Variants in HERC2 observed in about 807,000 individuals in gnomAD.
The protein encoded by HERC2 is HECT and RLD domain containing E3 ubiquitin protein ligase 2, also known as E3 ubiquitin-protein ligase HERC2.
A neutral mutation model predicts 537.7 loss-of-function variants in HERC2; 102 were observed. That is an observed-to-expected ratio of 0.19 (90% CI 0.16 to 0.22). The LOEUF (loss-of-function observed/expected upper bound fraction) is 0.22. Ranked by LOEUF, HERC2 falls within the 10% of genes least tolerant of loss-of-function variation. The pLI, the probability that HERC2 is intolerant of heterozygous loss-of-function variation, is 1.00. For synonymous variants in HERC2, 2,224 were observed against 2,466.2 expected (o/e 0.90, Z 2.91); for missense variants, 4,236 against 6,198.2 (o/e 0.68, Z 10.63).
chr15:28,224,156 CACACACACACAG>C (rs1230663978), intron 35 of HERC2, among the ~76,000 whole-genome samples: 1 of 149,356 alleles, frequency 6.7e-6, no homozygotes, highest in Admixed American at 6.7e-5. Context: ...CACCCACACA[CACACACACACAG>C]AGAGAGAGAG....
At chr15:28,124,979 C>T (rs1276604890) in intron 84 of HERC2, 27 bp downstream of exon 84, 6 of 1,574,828 alleles carry the variant, frequency 3.8e-6, no homozygotes, top group South Asian at 1.1e-5. Context: ...TGCTTGCCCC[C>T]GACCCACCCA....
Position 28,177,612 on chromosome 15 carries a change from A to T in HERC2, c.9164-103T>A. ...CCTGGCATATAGCACACACTCAATG[A>T]GCGTGAGCTGAATAAATGAGTAACT... is the stretch of plus-strand genomic sequence containing the variant. On this transcript the variant is annotated intron_variant, in intron 59 of 92. Transcript: ENST00000261609. The surrounding 1 kb of genome is among the most constrained non-coding windows in gnomAD (Gnocchi z 5.0). 1.1e-6 allele frequency: 1 copy of T among 937,038 alleles called. No homozygotes were observed. The highest frequency in any genetic ancestry group is 1.7e-6 in the Non-Finnish European group (1 of 579,550). The allele number at this position is 937,038 out of a possible 1,614,324, so 58.0% of individuals were successfully genotyped here.
intron 20 of HERC2, among the ~76,000 whole-genome samples, 165 bp from the exon 21 acceptor site, chr15:28,248,901 G>A (rs1311352829): frequency 2.0e-5 from 3 of 152,138 alleles, no homozygotes; most frequent in Non-Finnish European, 2.9e-5. Context: ...TGCAACAAGC[G>A]CAACCTCAGC....
chr15:28,125,128 G>T lies in HERC2; in HGVS notation c.12868C>A (p.Gln4290Lys). The part of the protein sequence containing the change: ...QLGDGTTNAI[Q>K]RPRLVAALQG... ...AGGGCAGCTACCAACCGAGGCCTCT[G>T]GATGGCATTGGTGGTTCCGTCTCCC... The change falls in exon 84 of 93, where the codon CAG (glutamine) becomes AAG (lysine). Residue 4290 changes from glutamine to lysine, a missense_variant. Transcript: ENST00000261609. 1 of 1,614,136 alleles carries T rather than the reference G, an allele frequency of 6.2e-7. No individual in the cohort carries two copies. Among genetic ancestry groups the T allele is most frequent in the Non-Finnish European group, 8.5e-7 (1 of 1,179,950 alleles).
At chr15:28,235,610 T>C (rs1596299160) in intron 26 of HERC2, among the ~76,000 whole-genome samples, 1 of 152,206 alleles carries the variant, frequency 6.6e-6, no homozygotes, top group South Asian at 2.1e-4. Context: ...TTGACACTCC[T>C]GTGTTTTCTG....
Position 28,244,243 on chromosome 15 carries a change from T to C in HERC2, c.3577+1638A>G, listed in dbSNP as rs189570551. 3.9e-4 allele frequency among the ~76,000 whole-genome samples: 60 copies of C among 152,188 alleles called. No individual in the cohort carries two copies. In the East Asian group the frequency reaches 8.5e-3, roughly 22 times the overall value. Reference sequence around the variant, plus strand: ...TCCATCAACAAGTAGAATGAATAGGTTGTTGTATATTCAAACAAAAGTATA... The same window carrying C: ...TCCATCAACAAGTAGAATGAATAGGCTGTTGTATATTCAAACAAAAGTATA... On this transcript the variant is annotated intron_variant, in intron 23 of 92. Coordinates refer to ENST00000261609, the MANE Select transcript of HERC2 (RefSeq NM_004667.6).
At chr15:28,240,741 T>C (rs1348813520) in intron 23 of HERC2, among the ~76,000 whole-genome samples, 1 of 152,134 alleles carries the variant, frequency 6.6e-6, no homozygotes, top group Admixed American at 6.5e-5. Context: ...AAACAATCCA[T>C]CACGTATTTG....
chr15:28,201,580 A>C, intron 47 of HERC2, 26 bp from the exon 48 acceptor site: 1 of 1,415,434 alleles, frequency 7.1e-7, no homozygotes, highest in Non-Finnish European at 1.0e-6. Context: ...ACATTCAAAC[A>C]AAAAAACAGG....
chr15:28,177,498 C>G lies in HERC2; in HGVS notation c.9175G>C (p.Ala3059Pro). The change falls in exon 60 of 93, where the codon GCG becomes CCG. Residue 3059 changes from alanine to proline, a missense_variant. Coordinates refer to ENST00000261609, the MANE Select transcript of HERC2 (RefSeq NM_004667.6). This position sits in a 1 kb window ranked among gnomAD's most constrained non-coding sequence, Gnocchi z 5.0. ...KVAVHSGGRHATALTVDGKVF... is the reference protein window; with the variant it reads ...KVAVHSGGRHPTALTVDGKVF... ...TTTCCATCGACAGTTAAAGCCGTCG[C>G]GTGCCGGCCACCTGCAACATTCACA... The G allele has an allele frequency of 6.2e-7, 1 of 1,614,214 alleles. No individual in the cohort carries two copies. Among genetic ancestry groups the G allele is most frequent in the Non-Finnish European group, 8.5e-7 (1 of 1,180,044 alleles).
intron 56 of HERC2, among the ~76,000 whole-genome samples, chr15:28,183,983 T>C (rs565910396): frequency 6.6e-6 from 1 of 151,788 alleles, no homozygotes; most frequent in Non-Finnish European, 1.5e-5. Context: ...AGCCCAGGAG[T>C]TGGAGACCAG....
rs2075399921 is a variant in HERC2 at position 28,260,939 on chromosome 15, G to A, written c.2154C>T (p.Ser718=). 1 of 1,613,736 alleles carries A rather than the reference G, an allele frequency of 6.2e-7. No homozygotes were observed. The highest frequency in any genetic ancestry group is 1.3e-5 in the African/African-American group (1 of 74,934). Residue 718 remains serine (S), a synonymous_variant, in exon 16 of 93, where the codon TCC becomes TCT. Transcript: ENST00000261609. ...CCTCAGTCAGAGCCAGGCAGTGGGTGGAGCCTGCAGCCACATCAATCACCT... is the reference window on the plus strand; with the variant it reads ...CCTCAGTCAGAGCCAGGCAGTGGGTAGAGCCTGCAGCCACATCAATCACCT... ...GKKVIDVAAG[S]THCLALTEDS...
At position 28,122,511 on chromosome 15, in the gene HERC2, C is replaced by G. The variant is rs1030495925; in HGVS notation, c.13189-1082G>C. Among the ~76,000 whole-genome samples, 52 of 152,166 alleles carry G rather than the reference C, an allele frequency of 3.4e-4. No individual in the cohort carries two copies. The highest frequency in any genetic ancestry group is 1.2e-3 in the African/African-American group (50 of 41,452). ...CCAGAAAGGGTATCCTGGCGGCACCCCAGCCCCATGCCTCTCGCACAGCCC... is the reference window on the plus strand; with the variant it reads ...CCAGAAAGGGTATCCTGGCGGCACCGCAGCCCCATGCCTCTCGCACAGCCC... On this transcript the variant is annotated intron_variant, in intron 85 of 92. Transcript: ENST00000261609. The surrounding 1 kb of genome is among the most constrained non-coding windows in gnomAD (Gnocchi z 4.1).
chr15:28,239,853 A>T (rs150231163), intron 23 of HERC2, among the ~76,000 whole-genome samples: 15 of 152,330 alleles, frequency 9.8e-5, no homozygotes, highest in Admixed American at 8.5e-4. Context: ...CAGGGAGAGG[A>T]GGGCCTGGAG....
chr15:28,133,676 T>C (rs1367085190), intron 79 of HERC2, among the ~76,000 whole-genome samples: 2 of 152,246 alleles, frequency 1.3e-5, no homozygotes, highest in African/African-American at 2.4e-5. Context: ...TATCCAATTA[T>C]TCAAAACCAC....
intron 81 of HERC2, among the ~76,000 whole-genome samples, chr15:28,131,387 A>C (rs1890090201): frequency 6.6e-6 from 1 of 152,082 alleles, no homozygotes. Flanking sequence ...CCCACGAGAG[A>C]GGAGGCCAGG....
intron 53 of HERC2, 116 bp downstream of exon 53, chr15:28,191,845 G>A (rs1896882791): frequency 6.8e-6 from 5 of 732,502 alleles, no homozygotes; most frequent in Non-Finnish European, 1.1e-5. Flanking sequence ...CATAACGTGA[G>A]TACTGACAGG....
chr15:28,146,171 G>C lies in HERC2; in HGVS notation c.11008+66C>G. On this transcript the variant is annotated intron_variant, in intron 71 of 92. Coordinates refer to ENST00000261609, the MANE Select transcript of HERC2 (RefSeq NM_004667.6). ...GAAGGCAGCATTCTGTCCTACAAAT[G>C]TGAAGGGTTGTGTCTACGGAGACAC... 3 of 1,067,728 alleles carry C rather than the reference G, an allele frequency of 2.8e-6. No individual in the cohort carries two copies. The South Asian group carries it at 3.9e-5, about 14-fold the overall frequency. The allele number at this position is 1,067,728 out of a possible 1,614,324, so 66.1% of individuals were successfully genotyped here. A position where few individuals can be genotyped will look rare whatever the true frequency, so the allele number is the denominator to read the frequency against.
chr15:28,166,115 A>T (rs911478472), intron 68 of HERC2, among the ~76,000 whole-genome samples: 18 of 152,226 alleles, frequency 1.2e-4, no homozygotes, highest in Admixed American at 3.9e-4. Context: ...ATTAACCCGA[A>T]TGCTTCACCA....
At chr15:28,321,655 C>G (rs1167779667) in intron 1 of HERC2, among the ~76,000 whole-genome samples, 191 bp from the exon 2 acceptor site, 4 of 119,172 alleles carry the variant, frequency 3.4e-5, no homozygotes, top group Admixed American at 8.1e-5. Flanking sequence ...GGGAAAGCCT[C>G]CTTCCAAGGT....
Sources: allele counts gnomAD v4.1 joint callset (sites outside exome capture counted in the v4.1 genomes callset), GRCh38; gene constraint gnomAD v4.1.1; non-coding constraint Gnocchi (gnomAD v3.1); transcripts MANE v1.5; gene names NCBI Gene and HGNC (gene_info 2026-07-23, HGNC 2026-07-21).